The following NARS2 variants were observed in gnomAD, a reference collection of about 807,000 sequenced individuals.
The protein encoded by NARS2 is asparaginyl-tRNA synthetase.
Under a neutral mutation model 62.9 loss-of-function variants are expected in NARS2, and 60 were observed. The observed-to-expected ratio is 0.95, with a 90% CI of 0.77 to 1.18. The LOEUF is 1.18. NARS2 is among the 50% of genes most tolerant of loss of function. The pLI is 0.00. For missense variants in NARS2, 619 were observed against 576.4 expected, an observed-to-expected ratio of 1.07 and a Z score of -0.76; for synonymous variants, 196 against 200.0, an observed-to-expected ratio of 0.98 and a Z score of 0.17.
intron 4 of NARS2, among the ~76,000 whole-genome samples, chr11:78,563,215 A>T (rs1213248926): frequency 2.6e-5 from 3 of 115,720 alleles, no homozygotes; most frequent in Non-Finnish European, 1.7e-5. Context: ...AACCACTTGA[A>T]TTTTTTTTTT....
chr11:78,566,029 CA>C, intron 4 of NARS2, 102 bp downstream of exon 4: 1 of 962,096 alleles, frequency 1.0e-6, no homozygotes, highest in Non-Finnish European at 1.5e-6. Context: ...AAAACTAACC[CA>C]TAACTAACAG....
At chr11:78,515,876 A>G (rs1860891706) in intron 6 of NARS2, among the ~76,000 whole-genome samples, 1 of 152,188 alleles carries the variant, frequency 6.6e-6, no homozygotes, top group Admixed American at 6.5e-5. Flanking sequence ...TTATATCTCA[A>G]TAAAGTTGTT....
At chr11:78,545,806 G>A (rs1189215618) in intron 5 of NARS2, among the ~76,000 whole-genome samples, 3 of 152,016 alleles carry the variant, frequency 2.0e-5, no homozygotes, top group Non-Finnish European at 4.4e-5. Context: ...CCAACGTGCT[G>A]GGATTACAGG....
chr11:78,537,901 C>T lies in NARS2; in HGVS notation c.595-8965G>A, dbSNP rs547424152. Among the ~76,000 whole-genome samples, 8 of 152,330 alleles carry T rather than the reference C, an allele frequency of 5.3e-5. No homozygotes were observed. In the South Asian group the frequency reaches 8.3e-4, roughly 16 times the overall value. ...ATTCCTTAAGTAGGCATAGTAGTCT[C>T]CCCTTATCCACAGTTTTACTTTTCA... On this transcript the variant is annotated intron_variant, in intron 5 of 13. Coordinates refer to ENST00000281038, the MANE Select transcript of NARS2 (RefSeq NM_024678.6).
Position 78,574,515 on chromosome 11 carries a change from G to T in NARS2, c.-27C>A, listed in dbSNP as rs57161960. The T allele has an allele frequency of 5.3e-3, 8,327 of 1,585,106 alleles. 380 individuals carry two copies. The African/African-American group carries it at 0.1, about 19-fold the overall frequency. On this transcript the variant is annotated 5_prime_UTR_variant, in exon 1 of 14. Transcript: ENST00000281038. Reference sequence around the variant, plus strand: ...CCGCGTCCGCCCAGGCCCTCCGCGGGAGCAGCCCAGACCCCACGGTTCGAA... The same window carrying T: ...CCGCGTCCGCCCAGGCCCTCCGCGGTAGCAGCCCAGACCCCACGGTTCGAA...
intron 11 of NARS2, among the ~76,000 whole-genome samples, chr11:78,455,767 A>G (rs1369179668): frequency 6.6e-6 from 1 of 152,034 alleles, no homozygotes; most frequent in Non-Finnish European, 1.5e-5. Flanking sequence ...CTGCCTTTAC[A>G]GCCTAGCTTC....
intron 7 of NARS2, among the ~76,000 whole-genome samples, chr11:78,482,485 T>C (rs749580863): frequency 4.6e-4 from 69 of 151,148 alleles, no homozygotes; most frequent in Non-Finnish European, 2.2e-4. Flanking sequence ...GATTAACAAA[T>C]AGGCCGCTAG....
At chr11:78,446,739 C>T (rs1042245683) in intron 11 of NARS2, among the ~76,000 whole-genome samples, 2 of 151,930 alleles carry the variant, frequency 1.3e-5, no homozygotes, top group Non-Finnish European at 1.5e-5. Context: ...CATAAAACTA[C>T]CAGAAATAAA....
chr11:78,530,145 G>A (rs779965832), intron 5 of NARS2, among the ~76,000 whole-genome samples: 1 of 151,350 alleles, frequency 6.6e-6, no homozygotes, highest in Non-Finnish European at 1.5e-5. Flanking sequence ...GTCAGAGATC[G>A]ATGAATGCCT....
rs780046589 is a variant in NARS2, at chr11:78,441,117, T to A, written c.1263A>T (p.Arg421Ser). Residue 421 changes from arginine to serine, a missense_variant and splice_region_variant, in exon 13 of 14, where the codon AGA becomes AGT. Coordinates refer to ENST00000281038, the MANE Select transcript of NARS2 (RefSeq NM_024678.6). ...ATTGGTAGACTTCTGTAAGTCCCGA[T>A]CTGTTTAAAGGAAAATAAAATTCTT... Reference protein sequence around the residue: ...RYHFLEERLARSGLTEVYQWY... With the variant: ...RYHFLEERLASSGLTEVYQWY... 1 of 1,611,924 alleles carries A rather than the reference T, an allele frequency of 6.2e-7. No homozygotes were observed. Among genetic ancestry groups the A allele is most frequent in the Non-Finnish European group, 8.5e-7 (1 of 1,179,032 alleles).
intron 2 of NARS2, among the ~76,000 whole-genome samples, chr11:78,570,468 G>A (rs1856885557): frequency 6.6e-6 from 1 of 152,192 alleles, no homozygotes; most frequent in African/African-American, 2.4e-5. Flanking sequence ...GCTCACCACA[G>A]CCTTGACCTC....
chr11:78,440,282 T>C lies in NARS2; in HGVS notation c.1289+809A>G, dbSNP rs538561723. 3.9e-5 allele frequency among the ~76,000 whole-genome samples: 6 copies of C among 152,284 alleles called. No homozygotes were observed. The South Asian group carries it at 1.2e-3, about 32-fold the overall frequency. On this transcript the variant is annotated intron_variant, in intron 13 of 13. Coordinates refer to ENST00000281038, the MANE Select transcript of NARS2 (RefSeq NM_024678.6). ...TTTCACCATGTTGGCCAGGCTCATC[T>C]GGAACTCCTGACCTCAAGTGATCCA...
chr11:78,495,097 C>T (rs1002920485), intron 6 of NARS2, among the ~76,000 whole-genome samples: 2 of 152,140 alleles, frequency 1.3e-5, no homozygotes, highest in Non-Finnish European at 2.9e-5. Flanking sequence ...TCCTCCAGTC[C>T]CAAACTATAG....
intron 5 of NARS2, among the ~76,000 whole-genome samples, chr11:78,531,362 A>C (rs572162432): frequency 6.6e-6 from 1 of 152,344 alleles, no homozygotes; most frequent in South Asian, 2.1e-4. Flanking sequence ...AAAAACTAAA[A>C]TCACACAAGG....
At chr11:78,554,035 G>A (rs551190102) in intron 5 of NARS2, among the ~76,000 whole-genome samples, 443 of 152,250 alleles carry the variant, frequency 2.9e-3, no homozygotes, top group Non-Finnish European at 4.6e-3. Context: ...GCTTTGGGGA[G>A]GATCAGATTG....
At position 78,574,689 on chromosome 11, in the gene NARS2, C is replaced by T. The variant is rs371889228; in HGVS notation, c.-201G>A. 5.0e-6 allele frequency: 3 copies of T among 603,180 alleles called. No homozygotes were observed. Among genetic ancestry groups the T allele is most frequent in the Middle Eastern group, 4.5e-4 (1 of 2,220 alleles). The allele number at this position is 603,180 out of a possible 1,614,324, so 37.4% of individuals were successfully genotyped here. A position where few individuals can be genotyped will look rare whatever the true frequency, so the allele number is the denominator to read the frequency against. On this transcript the variant is annotated 5_prime_UTR_variant, in exon 1 of 14. Coordinates refer to ENST00000281038, the MANE Select transcript of NARS2 (RefSeq NM_024678.6). ...CAGAACCTCTCCGCTTCCCACTTCC[C>T]AACGGGGCGGAATGGACAGGACACT...
chr11:78,474,279 A>G (rs1477924240), intron 9 of NARS2, among the ~76,000 whole-genome samples: 5 of 152,182 alleles, frequency 3.3e-5, no homozygotes, highest in Admixed American at 1.3e-4. Flanking sequence ...AAGATTCACT[A>G]TTAATCAAGT....
At chr11:78,556,567 TC>T (rs1253747018) in intron 5 of NARS2, among the ~76,000 whole-genome samples, 1 of 152,230 alleles carries the variant, frequency 6.6e-6, no homozygotes, top group Non-Finnish European at 1.5e-5. Context: ...TTTGTAAAGA[TC>T]AATTGCTTTT....
chr11:78,457,339 A>AT (rs1052771529), intron 11 of NARS2, among the ~76,000 whole-genome samples: 12 of 152,120 alleles, frequency 7.9e-5, no homozygotes, highest in South Asian at 2.1e-4. Context: ...CACCTGTCTT[A>AT]TTTTTTTCAA....
Sources: allele counts gnomAD v4.1 joint callset (sites outside exome capture counted in the v4.1 genomes callset), GRCh38; gene constraint gnomAD v4.1.1; transcripts MANE v1.5; gene names NCBI Gene and HGNC (gene_info 2026-07-23, HGNC 2026-07-21).